Variants in DYNC2H1 observed in about 807,000 individuals in gnomAD.
The protein encoded by DYNC2H1 is cytoplasmic dynein 2 heavy chain 1.
In DYNC2H1, 410 loss-of-function variants were observed where a neutral mutation model predicts 570.0. That is an observed-to-expected ratio of 0.72 (90% CI 0.66 to 0.78). The LOEUF is 0.78. Among genes scored for constraint, DYNC2H1 ranks in the 30% least tolerant of loss-of-function variants. The pLI is 0.00. For synonymous variants in DYNC2H1, 1,688 were observed against 1,677.6 expected (o/e 1.01, Z -0.15); for missense variants, 4,865 against 5,046.4 (o/e 0.96, Z 1.09).
intron 17 of DYNC2H1, among the ~76,000 whole-genome samples, chr11:103,138,430 T>A (rs1468418667): frequency 6.6e-6 from 1 of 152,232 alleles, no homozygotes; most frequent in Non-Finnish European, 1.5e-5. Context: ...GAAGCATTGT[T>A]GAATTTTGTC....
At chr11:103,178,889 C>A in intron 38 of DYNC2H1, 137 bp from the exon 39 acceptor site, 1 of 779,800 alleles carries the variant, frequency 1.3e-6, no homozygotes, top group Non-Finnish European at 1.9e-6. Context: ...CCAGCTGAGC[C>A]AGGATTGCGC....
At position 103,218,597 on chromosome 11, in the gene DYNC2H1, G is replaced by A. The variant is rs565398762; in HGVS notation, c.8833-1318G>A. On this transcript the variant is annotated intron_variant, in intron 55 of 88. Transcript: ENST00000375735. ...AAAGGATAACACTGTTGATTACCAT[G>A]TGTTTATAAAGGAAAATATTTGGTG... is the stretch of plus-strand genomic sequence containing the variant. Among the ~76,000 whole-genome samples, 5 of 152,280 alleles carry A rather than the reference G, an allele frequency of 3.3e-5. No individual in the cohort carries two copies. The South Asian group carries it at 1.0e-3, about 32-fold the overall frequency.
Position 103,479,138 on chromosome 11 carries a change from C to T in DYNC2H1, c.12809C>T (p.Pro4270Leu). 1 of 1,613,722 alleles carries T rather than the reference C, an allele frequency of 6.2e-7. No homozygotes were observed. Among genetic ancestry groups the T allele is most frequent in the Non-Finnish European group, 8.5e-7 (1 of 1,179,740 alleles). Reference sequence around the variant, plus strand: ...TCTCCGGATGAGTGCATCTCTTTGCCTGTTTACACAAGTGCTGAAAGGGAT... The same window carrying T: ...TCTCCGGATGAGTGCATCTCTTTGCTTGTTTACACAAGTGCTGAAAGGGAT... ...PYSPDECISLPVYTSAERDRV... is the reference protein window; with the variant it reads ...PYSPDECISLLVYTSAERDRV... The change falls in exon 89 of 89, where the codon CCT (proline) becomes CTT (leucine). Residue 4270 changes from proline to leucine, a missense_variant. By Grantham distance (98) the Pro-to-Leu change is moderately conservative (BLOSUM62 -3). Coordinates refer to ENST00000375735, the MANE Select transcript of DYNC2H1 (RefSeq NM_001377.3).
rs758166458 is a variant in DYNC2H1 at position 103,109,560 on chromosome 11, C to A, written c.-15C>A. 2 of 1,612,182 alleles carry A rather than the reference C, an allele frequency of 1.2e-6. No homozygotes were observed. The highest frequency in any genetic ancestry group is 1.7e-6 in the Non-Finnish European group (2 of 1,178,886). On this transcript the variant is annotated 5_prime_UTR_variant, in exon 1 of 89. Coordinates refer to ENST00000375735, the MANE Select transcript of DYNC2H1 (RefSeq NM_001377.3). The stretch of plus-strand genomic sequence containing the variant: ...CCTTCCCCCTTCCCCCAACTTCCCT[C>A]CACCCCTTCCAATCATGGCGAACGG...
chr11:103,335,205 A>G (rs547939726), intron 82 of DYNC2H1, among the ~76,000 whole-genome samples: 2 of 141,998 alleles, frequency 1.4e-5, no homozygotes, highest in East Asian at 4.1e-4. Flanking sequence ...CAGTGTTGAC[A>G]TTTCCCTTTG....
At chr11:103,360,011 A>T (rs1172287935) in intron 83 of DYNC2H1, among the ~76,000 whole-genome samples, 1 of 152,072 alleles carries the variant, frequency 6.6e-6, no homozygotes, top group Non-Finnish European at 1.5e-5. Context: ...TAGTTCTCTG[A>T]TGTTGGATTT....
intron 1 of DYNC2H1, 90 bp downstream of exon 1, chr11:103,109,859 T>G: frequency 1.5e-6 from 2 of 1,349,740 alleles, no homozygotes; most frequent in South Asian, 3.0e-5. Flanking sequence ...CTCTTTAGCT[T>G]TACCAACCAG....
chr11:103,444,893 A>C (rs61896887), intron 85 of DYNC2H1, among the ~76,000 whole-genome samples: 22,312 of 152,136 alleles, frequency 0.15, 1,852 homozygotes, highest in East Asian at 0.26. Context: ...GTATGAGTCC[A>C]TGTAGGCTTG....
rs74628309 is a variant in DYNC2H1 at position 103,147,283 on chromosome 11, A to G, written c.2703-489A>G. On this transcript the variant is annotated intron_variant, in intron 18 of 88. Transcript: ENST00000375735. Reference sequence around the variant, plus strand: ...GTAACCATTCATTACATTTTTTTTCAATTTGATAAGTGTAAAATGGTGTCT... The same window carrying G: ...GTAACCATTCATTACATTTTTTTTCGATTTGATAAGTGTAAAATGGTGTCT... Among the ~76,000 whole-genome samples, 1,299 of 152,158 alleles carry G rather than the reference A, an allele frequency of 8.5e-3. 19 individuals are homozygous for G. Among genetic ancestry groups the G allele is most frequent in the African/African-American group, 0.031 (1,267 of 41,534 alleles).
At chr11:103,125,947 T>C (rs781305721) in intron 12 of DYNC2H1, among the ~76,000 whole-genome samples, 1 of 152,244 alleles carries the variant, frequency 6.6e-6, no homozygotes, top group African/African-American at 2.4e-5. Context: ...TAATTTCCAA[T>C]TCACAAGTCA....
At chr11:103,357,382 G>C (rs1940400593) in intron 82 of DYNC2H1, among the ~76,000 whole-genome samples, 1 of 152,124 alleles carries the variant, frequency 6.6e-6, no homozygotes, top group Non-Finnish European at 1.5e-5. Context: ...TTAGAGCCTT[G>C]TATGTAGAGG....
In DYNC2H1 at chr11:103,326,163, A is replaced by AGAT. The variant is rs1408616516; in HGVS notation, c.12039+2174_12039+2176dup. On this transcript the variant is annotated intron_variant, in intron 82 of 88. Transcript: ENST00000375735. The surrounding 1 kb of genome is among the most constrained non-coding windows in gnomAD (Gnocchi z 6.1). Reference sequence around the variant, plus strand: ...ATGGCGCTTAGGAGTAGTGGCTGGTAGATAGGCTCTTACTTAGCCCTGTGG... The same window carrying AGAT: ...ATGGCGCTTAGGAGTAGTGGCTGGTAGATGATAGGCTCTTACTTAGCCCTGTGG... Among the ~76,000 whole-genome samples, 1 of 152,092 alleles carries AGAT rather than the reference A, an allele frequency of 6.6e-6. No individual in the cohort carries two copies. Among genetic ancestry groups the AGAT allele is most frequent in the Non-Finnish European group, 1.5e-5 (1 of 68,026 alleles).
intron 70 of DYNC2H1, among the ~76,000 whole-genome samples, chr11:103,266,809 G>C (rs562764000): frequency 1.3e-5 from 2 of 152,170 alleles, no homozygotes; most frequent in Non-Finnish European, 2.9e-5. Context: ...GCAAGCAGGC[G>C]TGGCCAGATT....
intron 83 of DYNC2H1, among the ~76,000 whole-genome samples, chr11:103,398,365 G>A (rs1338556276): frequency 3.3e-5 from 5 of 152,242 alleles, no homozygotes; most frequent in East Asian, 1.9e-4. Context: ...TATTAATATT[G>A]TAAATGTAGC....
chr11:103,307,774 A>AG lies in DYNC2H1; in HGVS notation c.11437dup (p.Val3813GlyfsTer19), dbSNP rs767683205. Reference sequence around the variant, plus strand: ...CCTTTCGTCTTTGGCTCACTGCAGAAGTTCATCCCAACTTTACTCCTATTT... The same window carrying AG: ...CCTTTCGTCTTTGGCTCACTGCAGAAGGTTCATCCCAACTTTACTCCTATTT... On this transcript the variant is annotated frameshift_variant, in exon 78 of 89. Transcript: ENST00000375735. LOFTEE classifies it high-confidence loss of function. 1 of 1,606,620 alleles carries AG rather than the reference A, an allele frequency of 6.2e-7. No individual in the cohort carries two copies. The highest frequency in any genetic ancestry group is 8.5e-7 in the Non-Finnish European group (1 of 1,176,148).
chr11:103,436,115 T>G, intron 85 of DYNC2H1, 83 bp downstream of exon 85: 1 of 1,169,032 alleles, frequency 8.6e-7, no homozygotes, highest in Non-Finnish European at 1.2e-6. Flanking sequence ...TAATCACTAG[T>G]GAGAATTACA....
chr11:103,236,388 C>T lies in DYNC2H1; in HGVS notation c.9710-42C>T, dbSNP rs78586860. On this transcript the variant is annotated intron_variant, in intron 62 of 88. Coordinates refer to ENST00000375735, the MANE Select transcript of DYNC2H1 (RefSeq NM_001377.3). ...TTTATTTCCTTCCCTTCATCAAGTA[C>T]AAGATCGTTGTGAAGTATTATCAAT... is the stretch of plus-strand genomic sequence containing the variant. 3,332 of 1,153,424 alleles carry T rather than the reference C, an allele frequency of 2.9e-3. 60 individuals are homozygous for T. The African/African-American group carries it at 0.041, about 14-fold the overall frequency. The allele number at this position is 1,153,424 out of a possible 1,614,324, so 71.4% of individuals were successfully genotyped here.
chr11:103,241,512 A>G lies in DYNC2H1; in HGVS notation c.9820-2181A>G, dbSNP rs1366336623. Reference sequence around the variant, plus strand: ...TTGAAATGTTACCTTTCTTCTTTTCATTTAACTGCATCAGATCATTGGTTT... The same window carrying G: ...TTGAAATGTTACCTTTCTTCTTTTCGTTTAACTGCATCAGATCATTGGTTT... On this transcript the variant is annotated intron_variant, in intron 63 of 88. Coordinates refer to ENST00000375735, the MANE Select transcript of DYNC2H1 (RefSeq NM_001377.3). The surrounding 1 kb of genome is among the most constrained non-coding windows in gnomAD (Gnocchi z 5.1). 5 of 1,592,480 alleles carry G rather than the reference A, an allele frequency of 3.1e-6. No homozygotes were observed. The Admixed American group carries it at 6.7e-5, about 21-fold the overall frequency.
chr11:103,181,686 G>T lies in DYNC2H1; in HGVS notation c.6348-71G>T. On this transcript the variant is annotated intron_variant, in intron 39 of 88. Transcript: ENST00000375735. The surrounding 1 kb of genome is among the most constrained non-coding windows in gnomAD (Gnocchi z 5.0). ...TGTGCGTAGAATAATGTTTATTGGA[G>T]AAGAAATTTATTTTAATGTAAATTG... 6.9e-7 allele frequency: 1 copy of T among 1,446,914 alleles called. No individual in the cohort carries two copies. The highest frequency in any genetic ancestry group is 9.3e-7 in the Non-Finnish European group (1 of 1,077,188). The allele number at this position is 1,446,914 out of a possible 1,614,324, so 89.6% of individuals were successfully genotyped here.
Sources: allele counts gnomAD v4.1 joint callset (sites outside exome capture counted in the v4.1 genomes callset), GRCh38; gene constraint gnomAD v4.1.1; non-coding constraint Gnocchi (gnomAD v3.1); transcripts MANE v1.5; gene names NCBI Gene and HGNC (gene_info 2026-07-23, HGNC 2026-07-21).